DPYD: variants seen among roughly 807,000 people sequenced by gnomAD.
DPYD encodes the protein dihydropyrimidine dehydrogenase [NADP(+)].
Under a neutral mutation model 116.2 loss-of-function variants are expected in DPYD, and 109 were observed. That is an observed-to-expected ratio of 0.94 (90% CI 0.80 to 1.10). The LOEUF (loss-of-function observed/expected upper bound fraction) is 1.10. DPYD is among the 50% of genes least tolerant of loss of function. DPYD has a pLI of 0.00. For synonymous variants in DPYD, 440 were observed against 432.0 expected (o/e 1.02, Z -0.23); for missense variants, 1,302 against 1,254.5 (o/e 1.04, Z -0.57).
chr1:97,334,653 C>CT (rs1159586971), intron 16 of DPYD, among the ~76,000 whole-genome samples: 1 of 152,196 alleles, frequency 6.6e-6, no homozygotes, highest in Non-Finnish European at 1.5e-5. Flanking sequence ...TTTGGATCAA[C>CT]TAAGCCTCTG....
At chr1:97,512,250 T>G (rs1440191330) in intron 13 of DPYD, among the ~76,000 whole-genome samples, 2 of 151,926 alleles carry the variant, frequency 1.3e-5, no homozygotes, top group Admixed American at 6.6e-5. Context: ...AAAAGAGGCT[T>G]AAATATTTTC....
chr1:97,732,453 A>G (rs113341794), intron 4 of DPYD, among the ~76,000 whole-genome samples: 1,737 of 150,844 alleles, frequency 0.012, 33 homozygotes, highest in African/African-American at 0.04. Flanking sequence ...CCAGTCTGGC[A>G]ACAGAGCAAG....
chr1:97,740,685 T>C (rs554329240), intron 3 of DPYD, among the ~76,000 whole-genome samples: 3 of 152,164 alleles, frequency 2.0e-5, no homozygotes, highest in Non-Finnish European at 4.4e-5. Context: ...AGAATCATGC[T>C]GGCTAGTAAC....
chr1:97,626,060 G>A (rs1168234831), intron 8 of DPYD, among the ~76,000 whole-genome samples: 2 of 151,928 alleles, frequency 1.3e-5, no homozygotes, highest in African/African-American at 4.8e-5. Flanking sequence ...CTAGACTATG[G>A]GCAAAGTGAG....
chr1:97,535,482 T>C (rs1366296904), intron 12 of DPYD, among the ~76,000 whole-genome samples: 1 of 152,130 alleles, frequency 6.6e-6, no homozygotes, highest in Non-Finnish European at 1.5e-5. Flanking sequence ...TTAGATTCCC[T>C]ACGTATTGGA....
chr1:97,212,142 G>A (rs765169228), intron 19 of DPYD, among the ~76,000 whole-genome samples: 1 of 152,032 alleles, frequency 6.6e-6, no homozygotes, highest in Non-Finnish European at 1.5e-5. Context: ...AATTTATAGA[G>A]TTGTGCAGCA....
intron 2 of DPYD, among the ~76,000 whole-genome samples, chr1:97,868,340 C>T (rs895231575): frequency 3.3e-5 from 5 of 150,864 alleles, no homozygotes; most frequent in Admixed American, 1.3e-4. Flanking sequence ...CTCTTGATAA[C>T]ATACTATCTT....
intron 5 of DPYD, among the ~76,000 whole-genome samples, chr1:97,701,188 A>G (rs1325742508): frequency 6.8e-6 from 1 of 147,972 alleles, no homozygotes; most frequent in Non-Finnish European, 1.5e-5. Flanking sequence ...AAGCTGGTAC[A>G]TATATATATT....
intron 14 of DPYD, among the ~76,000 whole-genome samples, chr1:97,429,880 G>A (rs554644450): frequency 7.7e-4 from 117 of 152,152 alleles, no homozygotes; most frequent in Non-Finnish European, 4.0e-4. Context: ...AGAGGGTTGT[G>A]GAGAAGGGGG....
intron 8 of DPYD, among the ~76,000 whole-genome samples, chr1:97,668,479 C>A (rs1337301047): frequency 1.3e-5 from 2 of 152,026 alleles, no homozygotes. Flanking sequence ...TTTATATGCA[C>A]AAAGTTCTTA....
intron 19 of DPYD, among the ~76,000 whole-genome samples, chr1:97,197,002 T>C (rs1003746339): frequency 3.9e-5 from 6 of 152,252 alleles, no homozygotes; most frequent in African/African-American, 1.4e-4. Context: ...TGAGTAAGAA[T>C]AGTAACAAGC....
intron 5 of DPYD, among the ~76,000 whole-genome samples, chr1:97,709,097 T>G (rs892554417): frequency 1.3e-5 from 2 of 151,974 alleles, no homozygotes; most frequent in Admixed American, 1.3e-4. Context: ...TATTTCTTCC[T>G]TCTCTGTATA....
At chr1:97,547,213 CT>C (rs1473779861) in intron 12 of DPYD, among the ~76,000 whole-genome samples, 1 of 151,634 alleles carries the variant, frequency 6.6e-6, no homozygotes, top group Non-Finnish European at 1.5e-5. Context: ...ATAATAAATC[CT>C]TTGTTATTAT....
intron 3 of DPYD, among the ~76,000 whole-genome samples, chr1:97,762,086 C>A (rs1250500236): frequency 1.3e-5 from 2 of 152,068 alleles, no homozygotes; most frequent in Non-Finnish European, 2.9e-5. Context: ...ACAAAATAAT[C>A]TGTACACCAA....
At chr1:97,850,166 G>C (rs1670501407) in intron 2 of DPYD, among the ~76,000 whole-genome samples, 1 of 152,168 alleles carries the variant, frequency 6.6e-6, no homozygotes, top group Non-Finnish European at 1.5e-5. Flanking sequence ...TGAGTCATCT[G>C]TTTCTCAAGT....
chr1:97,850,278 C>A (rs1402340644), intron 2 of DPYD, among the ~76,000 whole-genome samples: 1 of 152,134 alleles, frequency 6.6e-6, no homozygotes, highest in African/African-American at 2.4e-5. Flanking sequence ...ATGATTACAG[C>A]TGGTATAGAA....
chr1:97,269,091 GTTC>G (rs908425216), intron 18 of DPYD, among the ~76,000 whole-genome samples: 16 of 152,004 alleles, frequency 1.1e-4, no homozygotes, highest in Non-Finnish European at 2.1e-4. Context: ...TGTTTAGATA[GTTC>G]TTCTTAAGTT....
At chr1:97,848,991 G>A (rs1308488196) in intron 2 of DPYD, among the ~76,000 whole-genome samples, 1 of 151,992 alleles carries the variant, frequency 6.6e-6, no homozygotes, top group Non-Finnish European at 1.5e-5. Flanking sequence ...AAATGATAGT[G>A]ATTACAATTA....
chr1:97,473,869 G>A (rs1226295720), intron 13 of DPYD, among the ~76,000 whole-genome samples: 2 of 151,846 alleles, frequency 1.3e-5, no homozygotes, highest in Non-Finnish European at 2.9e-5. Context: ...AAACTTAGCT[G>A]GGCATGGTGG....
Sources: gnomAD v4.1 joint callset for allele counts (sites outside exome capture counted in the v4.1 genomes callset) on GRCh38, gnomAD v4.1.1 for gene constraint, MANE v1.5 for transcripts, NCBI Gene and HGNC (gene_info 2026-07-23, HGNC 2026-07-21) for gene names.